WDR12: variants seen among roughly 807,000 people sequenced by gnomAD.
The protein encoded by WDR12 is ribosome biogenesis protein WDR12.
A neutral mutation model predicts 64.3 loss-of-function variants in WDR12; 42 were observed. The observed-to-expected ratio is 0.65, with a 90% confidence interval of 0.51 to 0.84. The LOEUF is 0.84. Among genes scored for constraint, WDR12 ranks in the 40% least tolerant of loss-of-function variants. The pLI is 0.00. For synonymous variants in WDR12, 158 were observed against 173.3 expected (o/e 0.91, Z 0.70); for missense variants, 469 against 494.6 (o/e 0.95, Z 0.49).
At chr2:202,898,254 G>C (rs1477458769) in intron 4 of WDR12, among the ~76,000 whole-genome samples, 1 of 152,022 alleles carries the variant, frequency 6.6e-6, no homozygotes, top group Non-Finnish European at 1.5e-5. Flanking sequence ...GGGTTCAAGT[G>C]ATTCTCCTGC....
Position 202,897,926 on chromosome 2 carries a change from A to AT in WDR12, c.339-512_339-511insA, listed in dbSNP as rs1559162254. On this transcript the variant is annotated intron_variant, in intron 4 of 12. Coordinates refer to ENST00000261015, the MANE Select transcript of WDR12 (RefSeq NM_018256.4). ...AAAAAAAAATATATATATATATATA[A>AT]AAAATATATATCATATATATACATA... 4.8e-3 allele frequency among the ~76,000 whole-genome samples: 262 copies of AT among 54,122 alleles called. 11 individuals carry two copies. Among genetic ancestry groups the AT allele is most frequent in the East Asian group, 0.019 (31 of 1,652 alleles). The allele number at this position is 54,122 out of a possible 152,430, so 35.5% of individuals were successfully genotyped here. A position where few individuals can be genotyped will look rare whatever the true frequency, so the allele number is the denominator to read the frequency against.
At chr2:202,907,562 A>T (rs1450949019) in intron 2 of WDR12, among the ~76,000 whole-genome samples, 1 of 152,212 alleles carries the variant, frequency 6.6e-6, no homozygotes, top group East Asian at 1.9e-4. Context: ...CCCTCTGTAG[A>T]ACAATCAATG....
In WDR12 at chr2:202,907,858, T is replaced by C; in HGVS notation, c.136+7A>G. 6.2e-7 allele frequency: 1 copy of C among 1,607,550 alleles called. No homozygotes were observed. Among genetic ancestry groups the C allele is most frequent in the Non-Finnish European group, 8.5e-7 (1 of 1,174,356 alleles). On this transcript the variant is annotated splice_region_variant and intron_variant, in intron 2 of 12. Coordinates refer to ENST00000261015, the MANE Select transcript of WDR12 (RefSeq NM_018256.4). Reference sequence around the variant, plus strand: ...CACTGTGCCCTCTCCTAAGCATATATACCCACCATTTTTGTCCTTTAGTAG... The same window carrying C: ...CACTGTGCCCTCTCCTAAGCATATACACCCACCATTTTTGTCCTTTAGTAG...
rs1207431130 is a variant in WDR12 at position 202,879,611 on chromosome 2, T to A, written c.*1249A>T. The A allele has an allele frequency of 6.6e-6, 1 of 151,460 alleles. No homozygotes were observed. The highest frequency in any genetic ancestry group is 6.6e-5 in the Admixed American group (1 of 15,194). The allele number at this position is 151,460 out of a possible 1,614,324, so 9.4% of individuals were successfully genotyped here. A position where few individuals can be genotyped will look rare whatever the true frequency, so the allele number is the denominator to read the frequency against. ...AATTTGTTTTGGATTTTTTTTTTTTTAGTAGAGACAAAGTTTCACCATGTT... is the reference window on the plus strand; with the variant it reads ...AATTTGTTTTGGATTTTTTTTTTTTAAGTAGAGACAAAGTTTCACCATGTT... On this transcript the variant is annotated 3_prime_UTR_variant, in exon 13 of 13. Transcript: ENST00000261015.
intron 8 of WDR12, among the ~76,000 whole-genome samples, chr2:202,886,449 G>A (rs1688050735): frequency 1.3e-5 from 2 of 150,394 alleles, no homozygotes; most frequent in South Asian, 4.2e-4. Context: ...CACAGTGAGA[G>A]TCTGTCTCTT....
At chr2:202,885,106 GTC>G (rs1235299116) in intron 8 of WDR12, among the ~76,000 whole-genome samples, 1 of 152,196 alleles carries the variant, frequency 6.6e-6, no homozygotes, top group Non-Finnish European at 1.5e-5. Flanking sequence ...TTTGCCCAGA[GTC>G]AAGTGACCCC....
rs1321141750 is a variant in WDR12, at chr2:202,884,619, C to A, written c.742-84G>T. ...TAATAGTACTTATTACTTACAAAGC[C>A]CACATGACAGAGACAAACTGCCCAT... On this transcript the variant is annotated intron_variant, in intron 8 of 12. Transcript: ENST00000261015. 1.3e-5 allele frequency: 18 copies of A among 1,411,396 alleles called. No individual in the cohort carries two copies. The African/African-American group carries it at 1.7e-4, about 14-fold the overall frequency. The allele number at this position is 1,411,396 out of a possible 1,614,324, so 87.4% of individuals were successfully genotyped here. A position where few individuals can be genotyped will look rare whatever the true frequency, so the allele number is the denominator to read the frequency against.
chr2:202,897,574 C>T (rs1159498504), intron 4 of WDR12, among the ~76,000 whole-genome samples, 159 bp from the exon 5 acceptor site: 2 of 145,612 alleles, frequency 1.4e-5, no homozygotes, highest in African/African-American at 5.1e-5. Flanking sequence ...GATCACTTGA[C>T]GTTTCTCAAC....
In WDR12 at chr2:202,877,016, T is replaced by C. The variant is rs537247462; in HGVS notation, c.*3844A>G. The stretch of plus-strand genomic sequence containing the variant: ...TTGTTATATATAGTAAACTGTTACC[T>C]TTTTTTCAAAACTACGATACATCAA... On this transcript the variant is annotated 3_prime_UTR_variant, in exon 13 of 13. Coordinates refer to ENST00000261015, the MANE Select transcript of WDR12 (RefSeq NM_018256.4). 5 of 152,120 alleles carry C rather than the reference T, an allele frequency of 3.3e-5. No individual in the cohort carries two copies. The East Asian group carries it at 5.8e-4, about 18-fold the overall frequency. The allele number at this position is 152,120 out of a possible 1,614,324, so 9.4% of individuals were successfully genotyped here.
chr2:202,896,129 A>G lies in WDR12; in HGVS notation c.545T>C (p.Leu182Pro). ...TCCAGCATGACCTCTACAGCAGTGT[A>G]GGGCTTTCACTTTGTTTCTCTCTAC... ...WNVERNKVKA[L>P]HCCRGHAGSV... is the part of the protein sequence containing the mutation. Residue 182 changes from leucine (L) to proline (P), a missense_variant, in exon 6 of 13, where the codon CTA (leucine) becomes CCA (proline). Physicochemically the swap from Leu to Pro is moderately conservative, Grantham distance 98. Transcript: ENST00000261015. 1 of 1,614,142 alleles carries G rather than the reference A, an allele frequency of 6.2e-7. No homozygotes were observed. Among genetic ancestry groups the G allele is most frequent in the East Asian group, 2.2e-5 (1 of 44,862 alleles).
intron 10 of WDR12, 45 bp downstream of exon 10, chr2:202,884,153 G>C (rs762341405): frequency 3.2e-6 from 5 of 1,549,214 alleles, no homozygotes; most frequent in Admixed American, 1.7e-5. Context: ...ATGAGAAATA[G>C]ATGTTATTCA....
chr2:202,901,178 G>T, intron 2 of WDR12, 59 bp from the exon 3 acceptor site: 1 of 1,341,252 alleles, frequency 7.5e-7, no homozygotes, highest in Non-Finnish European at 1.0e-6. Flanking sequence ...ATTGGCAGAG[G>T]TATATGAGAA....
intron 2 of WDR12, among the ~76,000 whole-genome samples, chr2:202,902,050 A>G (rs1688357347): frequency 6.6e-6 from 1 of 152,192 alleles, no homozygotes; most frequent in Admixed American, 6.5e-5. Flanking sequence ...ATTAACAGCT[A>G]TTGAGAACCA....
intron 6 of WDR12, 160 bp downstream of exon 6, chr2:202,895,904 TC>T (rs1688233540): frequency 1.4e-6 from 1 of 717,432 alleles, no homozygotes; most frequent in Non-Finnish European, 2.2e-6. Flanking sequence ...CAAGTGACTA[TC>T]TCCTATTGTA....
intron 2 of WDR12, among the ~76,000 whole-genome samples, chr2:202,901,439 G>A (rs1362506099): frequency 1.3e-5 from 2 of 151,834 alleles, no homozygotes; most frequent in Admixed American, 6.6e-5. Context: ...TCCATTCCCC[G>A]GCTGGTTTAT....
chr2:202,903,906 G>C (rs1020615291), intron 2 of WDR12, among the ~76,000 whole-genome samples: 2 of 152,104 alleles, frequency 1.3e-5, no homozygotes, highest in Admixed American at 6.5e-5. Flanking sequence ...GGGAGGCTGA[G>C]ACGGGTGGAT....
intron 6 of WDR12, among the ~76,000 whole-genome samples, chr2:202,895,578 C>T (rs768662443): frequency 7.2e-6 from 1 of 139,800 alleles, no homozygotes; most frequent in Non-Finnish European, 1.5e-5. Context: ...GGCTGGAGTG[C>T]AACGGTGCAA....
chr2:202,880,735 T>C lies in WDR12; in HGVS notation c.*125A>G. On this transcript the variant is annotated 3_prime_UTR_variant, in exon 13 of 13. Transcript: ENST00000261015. ...AGAAAAAGTGATACGTTAGCTGTTA[T>C]GAAGGGTGAAAACATTATATAAACT... 1 of 650,450 alleles carries C rather than the reference T, an allele frequency of 1.5e-6. No homozygotes were observed. The highest frequency in any genetic ancestry group is 3.2e-5 in the East Asian group (1 of 31,708). The allele number at this position is 650,450 out of a possible 1,614,324, so 40.3% of individuals were successfully genotyped here. A position where few individuals can be genotyped will look rare whatever the true frequency, so the allele number is the denominator to read the frequency against.
intron 2 of WDR12, among the ~76,000 whole-genome samples, chr2:202,905,786 A>G (rs992823362): frequency 2.0e-5 from 3 of 152,216 alleles, no homozygotes; most frequent in Non-Finnish European, 4.4e-5. Context: ...CAAACTTTGC[A>G]TATTCTCACT....
Sources: allele counts gnomAD v4.1 joint callset (sites outside exome capture counted in the v4.1 genomes callset), GRCh38; gene constraint gnomAD v4.1.1; transcripts MANE v1.5; gene names NCBI Gene and HGNC (gene_info 2026-07-23, HGNC 2026-07-21).